The following UBE2O variants were observed in gnomAD, a reference collection of about 807,000 sequenced individuals.
UBE2O encodes ubiquitin conjugating enzyme E2 O.
A neutral mutation model predicts 125.8 loss-of-function variants in UBE2O; 15 were observed. The ratio of observed to expected loss-of-function variants is 0.12; its 90% CI spans 0.08 to 0.18. The LOEUF (loss-of-function observed/expected upper bound fraction) is 0.18. Among genes scored for constraint, UBE2O ranks in the 10% least tolerant of loss-of-function variants. The pLI, the probability that UBE2O is intolerant of heterozygous loss-of-function variation, is 1.00. For missense variants in UBE2O, 1,280 were observed against 1,723.6 expected (o/e 0.74, Z 4.56); for synonymous variants, 708 against 703.2 (o/e 1.01, Z -0.11).
chr17:76,417,432 G>A (rs2072634345), intron 1 of UBE2O, among the ~76,000 whole-genome samples: 1 of 152,232 alleles, frequency 6.6e-6, no homozygotes, highest in East Asian at 1.9e-4. Flanking sequence ...GGATTTAAAT[G>A]TATTATTACA....
intron 1 of UBE2O, among the ~76,000 whole-genome samples, chr17:76,428,932 T>C (rs951100441): frequency 3.3e-5 from 5 of 150,676 alleles, no homozygotes; most frequent in Admixed American, 6.6e-5. Flanking sequence ...GATGGAGTCT[T>C]GCTCTGTCGC....
Position 76,410,260 on chromosome 17 carries a change from G to A in UBE2O, c.418-4688C>T, listed in dbSNP as rs1279295235. 6.6e-6 allele frequency among the ~76,000 whole-genome samples: 1 copy of A among 152,120 alleles called. No homozygotes were observed. The highest frequency in any genetic ancestry group is 1.9e-4 in the East Asian group (1 of 5,174). ...TACCTGATTTTTGGGCAGGGAACGT[G>A]CTGAGAGAGGGAGCACGGAGGCTGG... On this transcript the variant is annotated intron_variant, in intron 1 of 17. Coordinates refer to ENST00000319380, the MANE Select transcript of UBE2O (RefSeq NM_022066.4). This position sits in a 1 kb window ranked among gnomAD's most constrained non-coding sequence, Gnocchi z 4.0.
intron 1 of UBE2O, among the ~76,000 whole-genome samples, chr17:76,421,529 C>T (rs1363798052): frequency 6.6e-6 from 1 of 152,188 alleles, no homozygotes. Flanking sequence ...CCACGCCCAA[C>T]TAATTTTGTA....
intron 1 of UBE2O, among the ~76,000 whole-genome samples, chr17:76,414,877 TG>T: frequency 6.6e-6 from 1 of 152,244 alleles, no homozygotes; most frequent in South Asian, 2.1e-4. Flanking sequence ...CTTGTCAACC[TG>T]GCTTAAAAAA....
chr17:76,421,071 G>C (rs1337641047), intron 1 of UBE2O, among the ~76,000 whole-genome samples: 2 of 152,136 alleles, frequency 1.3e-5, no homozygotes, highest in African/African-American at 2.4e-5. Flanking sequence ...GGCATGGATG[G>C]GAAAGTGAAC....
At position 76,400,871 on chromosome 17, in the gene UBE2O, C is replaced by A; in HGVS notation, c.894+140G>T. The A allele has an allele frequency of 9.2e-7, 1 of 1,088,816 alleles. No individual in the cohort carries two copies. 67.4% of individuals were successfully genotyped at this position (1,088,816 alleles called of 1,614,324 possible). A position where few individuals can be genotyped will look rare whatever the true frequency, so the allele number is the denominator to read the frequency against. On this transcript the variant is annotated intron_variant, in intron 6 of 17. Coordinates refer to ENST00000319380, the MANE Select transcript of UBE2O (RefSeq NM_022066.4). This position sits in a 1 kb window ranked among gnomAD's most constrained non-coding sequence, Gnocchi z 4.3. Reference sequence around the variant, plus strand: ...CCAGAGCCTGGGTTCCCTTTATCCCCAAAGCCCTTTGAGATCAACAGGGTC... The same window carrying A: ...CCAGAGCCTGGGTTCCCTTTATCCCAAAAGCCCTTTGAGATCAACAGGGTC...
At chr17:76,445,555 T>C (rs757676811) in intron 1 of UBE2O, among the ~76,000 whole-genome samples, 3 of 152,202 alleles carry the variant, frequency 2.0e-5, no homozygotes, top group African/African-American at 7.2e-5. Flanking sequence ...TTCACAATAC[T>C]GCTTCAGGAG....
At position 76,391,570 on chromosome 17, in the gene UBE2O, G is replaced by A. The variant is rs957453169; in HGVS notation, c.3252C>T (p.Phe1084=). ...VNEPYYNEAG[F]DSDRGLQEGY... ...CTTCCTGCAGGCCTCGGTCACTGTCGAAGCCGGCTTCGTTGTAGTATGGTT... is the reference window on the plus strand; with the variant it reads ...CTTCCTGCAGGCCTCGGTCACTGTCAAAGCCGGCTTCGTTGTAGTATGGTT... The change falls in exon 18 of 18, where the codon TTC becomes TTT. Residue 1084 remains phenylalanine (F), a synonymous_variant. Transcript: ENST00000319380. This position sits in a 1 kb window ranked among gnomAD's most constrained non-coding sequence, Gnocchi z 8.4. The A allele has an allele frequency of 6.2e-7, 1 of 1,614,116 alleles. No individual in the cohort carries two copies.
In UBE2O at chr17:76,402,671, T is replaced by A; in HGVS notation, c.617A>T (p.Tyr206Phe). The A allele has an allele frequency of 6.2e-7, 1 of 1,614,112 alleles. No individual in the cohort carries two copies. Among genetic ancestry groups the A allele is most frequent in the Non-Finnish European group, 8.5e-7 (1 of 1,180,004 alleles). ...GTAGACCTTCCCCAGCCAGCAGTCA[T>A]AGGCAATGTAGTCCCCATACATGAA... ...WPFMYGDYIAYDCWLGKVYDL... is the reference protein window; with the variant it reads ...WPFMYGDYIAFDCWLGKVYDL... Residue 206 changes from tyrosine (Y) to phenylalanine (F), a missense_variant, in exon 4 of 18, where the codon TAT becomes TTT. Tyr to Phe is a conservative substitution (Grantham distance 22). Around this residue, in one of 10 missense-constraint regions of UBE2O, gnomAD observed 206 missense variants for 315.7 expected, o/e 0.65. Transcript: ENST00000319380. The surrounding 1 kb of genome is among the most constrained non-coding windows in gnomAD (Gnocchi z 5.4).
At chr17:76,442,895 C>A (rs537486486) in intron 1 of UBE2O, among the ~76,000 whole-genome samples, 1 of 152,176 alleles carries the variant, frequency 6.6e-6, no homozygotes, top group East Asian at 1.9e-4. Context: ...AGAGAGCAAA[C>A]CAGGGTTGTG....
chr17:76,395,747 A>T lies in UBE2O; in HGVS notation c.2924T>A (p.Val975Asp), dbSNP rs1241348338. ...TGCCATTCTATCTTCAAAAGTCTTGACCATGATGCCCTCAGGCAGTGAGGT... is the reference window on the plus strand; with the variant it reads ...TGCCATTCTATCTTCAAAAGTCTTGTCCATGATGCCCTCAGGCAGTGAGGT... ...LATSLPEGIM[V>D]KTFEDRMDLF... The change falls in exon 15 of 18, where the codon GTC (valine) becomes GAC (aspartate). Residue 975 changes from valine (V) to aspartate (D), a missense_variant. By Grantham distance (152) the Val-to-Asp change is radical. Around this residue, in one of 10 missense-constraint regions of UBE2O, gnomAD observed 116 missense variants for 154.8 expected, o/e 0.75. Transcript: ENST00000319380. This position sits in a 1 kb window ranked among gnomAD's most constrained non-coding sequence, Gnocchi z 5.0. 2 of 1,614,130 alleles carry T rather than the reference A, an allele frequency of 1.2e-6. No individual in the cohort carries two copies.
chr17:76,440,555 T>C (rs945151162), intron 1 of UBE2O, among the ~76,000 whole-genome samples: 10 of 152,246 alleles, frequency 6.6e-5, no homozygotes, highest in African/African-American at 2.4e-4. Context: ...CTCGAACTCC[T>C]GGCCTCAAGT....
intron 1 of UBE2O, among the ~76,000 whole-genome samples, chr17:76,451,621 G>A (rs2073244756): frequency 6.6e-6 from 1 of 152,148 alleles, no homozygotes; most frequent in Non-Finnish European, 1.5e-5. Context: ...CTCCCACTGT[G>A]TGAGAAACCC....
intron 1 of UBE2O, among the ~76,000 whole-genome samples, chr17:76,441,531 G>A (rs2073075031): frequency 6.6e-6 from 1 of 152,062 alleles, no homozygotes; most frequent in Admixed American, 6.5e-5. Context: ...AAAAAGCCTC[G>A]AACCAAAGAC....
Position 76,452,360 on chromosome 17 carries a change from G to C in UBE2O, c.417+365C>G, listed in dbSNP as rs1169399045. 6.6e-6 allele frequency among the ~76,000 whole-genome samples: 1 copy of C among 152,138 alleles called. No individual in the cohort carries two copies. The highest frequency in any genetic ancestry group is 1.5e-5 in the Non-Finnish European group (1 of 68,030). The stretch of plus-strand genomic sequence containing the variant: ...TGCACAATGCAGTACCGAGCTCCTT[G>C]GGGGTCAGCAAAACGCCGCACTGGT... On this transcript the variant is annotated intron_variant, in intron 1 of 17. Coordinates refer to ENST00000319380, the MANE Select transcript of UBE2O (RefSeq NM_022066.4). The surrounding 1 kb of genome is among the most constrained non-coding windows in gnomAD (Gnocchi z 4.4).
intron 1 of UBE2O, among the ~76,000 whole-genome samples, chr17:76,437,490 G>A (rs2073017689): frequency 6.6e-6 from 1 of 151,564 alleles, no homozygotes; most frequent in South Asian, 2.1e-4. Context: ...AGGCAATTAT[G>A]TTAAATGCAA....
rs1174698514 is a variant in UBE2O at position 76,396,026 on chromosome 17, G to A, written c.2809+102C>T. On this transcript the variant is annotated intron_variant, in intron 14 of 17. Transcript: ENST00000319380. This position sits in a 1 kb window ranked among gnomAD's most constrained non-coding sequence, Gnocchi z 6.7. ...TGGTTTGCCCTGGGGCAGTAGCTGG[G>A]GTCTGGCGAGGGGACTAACCACCCT... is the stretch of plus-strand genomic sequence containing the variant. 1 of 1,474,326 alleles carries A rather than the reference G, an allele frequency of 6.8e-7. No homozygotes were observed. The allele number at this position is 1,474,326 out of a possible 1,614,324, so 91.3% of individuals were successfully genotyped here. A position where few individuals can be genotyped will look rare whatever the true frequency, so the allele number is the denominator to read the frequency against.
chr17:76,445,232 T>G (rs540786892), intron 1 of UBE2O, among the ~76,000 whole-genome samples: 2 of 152,192 alleles, frequency 1.3e-5, no homozygotes, highest in East Asian at 3.9e-4. Flanking sequence ...TTTTTTTTTC[T>G]TTTTCCAAGC....
intron 1 of UBE2O, among the ~76,000 whole-genome samples, chr17:76,433,198 C>T (rs2072931113): frequency 6.6e-6 from 1 of 151,790 alleles, no homozygotes; most frequent in African/African-American, 2.4e-5. Context: ...CAACAAATGT[C>T]CATCAACTAA....
Sources: gnomAD v4.1 joint callset for allele counts (sites outside exome capture counted in the v4.1 genomes callset) on GRCh38, gnomAD v4.1.1 for gene constraint, gnomAD v4.1.1 regional missense constraint, Gnocchi (gnomAD v3.1) non-coding constraint, MANE v1.5 for transcripts, NCBI Gene and HGNC (gene_info 2026-07-23, HGNC 2026-07-21) for gene names.